Variants in LDB2 observed in about 807,000 individuals in gnomAD.
LDB2 encodes LIM domain binding 2, also known as LIM domain-binding protein 2.
In LDB2, 12 loss-of-function variants were observed where a neutral mutation model predicts 44.3. The ratio of observed to expected loss-of-function variants is 0.27; its 90% CI spans 0.17 to 0.44. LDB2 has a LOEUF of 0.44. Ranked by LOEUF, LDB2 falls within the 20% of genes least tolerant of loss-of-function variation. LDB2 has a pLI of 1.00. For missense variants in LDB2, 344 were observed against 473.5 expected (o/e 0.73, Z 2.54); for synonymous variants, 164 against 174.8 (o/e 0.94, Z 0.49).
At chr4:16,840,875 A>T (rs1344573594) in intron 1 of LDB2, among the ~76,000 whole-genome samples, 1 of 152,188 alleles carries the variant, frequency 6.6e-6, no homozygotes, top group African/African-American at 2.4e-5. Context: ...AACAGGGGTG[A>T]TGCCTCATTC....
intron 1 of LDB2, among the ~76,000 whole-genome samples, chr4:16,835,593 G>A (rs1784768595): frequency 6.6e-6 from 1 of 152,220 alleles, no homozygotes; most frequent in Admixed American, 6.5e-5. Context: ...GTAGATATAA[G>A]TTTTAATTTC....
At chr4:16,855,440 T>C (rs781183014) in intron 1 of LDB2, among the ~76,000 whole-genome samples, 33 of 152,228 alleles carry the variant, frequency 2.2e-4, no homozygotes, top group Non-Finnish European at 4.3e-4. Flanking sequence ...ATAAAGACCA[T>C]ACTAGGAAAA....
At chr4:16,769,561 G>A (rs1265989282) in intron 1 of LDB2, among the ~76,000 whole-genome samples, 4 of 151,116 alleles carry the variant, frequency 2.6e-5, no homozygotes, top group Non-Finnish European at 5.9e-5. Flanking sequence ...CTCCCAAAGT[G>A]CTGGGATTAC....
intron 1 of LDB2, among the ~76,000 whole-genome samples, chr4:16,837,186 T>C (rs1386026441): frequency 6.6e-6 from 1 of 152,236 alleles, no homozygotes; most frequent in East Asian, 1.9e-4. Context: ...TTTTCTGACA[T>C]GGACATATTC....
At chr4:16,715,166 A>G (rs1362293293) in intron 2 of LDB2, among the ~76,000 whole-genome samples, 1 of 152,136 alleles carries the variant, frequency 6.6e-6, no homozygotes, top group Non-Finnish European at 1.5e-5. Context: ...GAGGAAAGTG[A>G]GAGGTTGACT....
chr4:16,505,735 C>T, intron 7 of LDB2: 1 of 1,150,832 alleles, frequency 8.7e-7, no homozygotes, highest in Non-Finnish European at 1.2e-6. Flanking sequence ...ATGCCCTCAG[C>T]TCCCCACAAG....
chr4:16,734,703 C>CTTTT (rs539507998), intron 2 of LDB2, among the ~76,000 whole-genome samples: 1 of 129,382 alleles, frequency 7.7e-6, no homozygotes, highest in Non-Finnish European at 1.6e-5. Flanking sequence ...TTCTTGTTTT[C>CTTTT]TTTTTTTTTT....
At chr4:16,817,554 C>A (rs891664351) in intron 1 of LDB2, among the ~76,000 whole-genome samples, 1 of 152,250 alleles carries the variant, frequency 6.6e-6, no homozygotes, top group Admixed American at 6.5e-5. Flanking sequence ...CACAATCCAA[C>A]AGCAGTAAAA....
chr4:16,662,122 C>A (rs745416585), intron 2 of LDB2, among the ~76,000 whole-genome samples: 1 of 152,168 alleles, frequency 6.6e-6, no homozygotes, highest in East Asian at 1.9e-4. Flanking sequence ...TTTGTAAATA[C>A]CTTTCTGTTT....
intron 1 of LDB2, among the ~76,000 whole-genome samples, chr4:16,773,442 T>C (rs1053254437): frequency 2.0e-4 from 31 of 152,204 alleles, no homozygotes; most frequent in African/African-American, 7.2e-4. Context: ...CATTGGCATA[T>C]GATGGGAGAC....
At chr4:16,851,667 G>A (rs915196892) in intron 1 of LDB2, among the ~76,000 whole-genome samples, 2 of 152,110 alleles carry the variant, frequency 1.3e-5, no homozygotes, top group African/African-American at 2.4e-5. Flanking sequence ...GATGTCATTA[G>A]GATTTGCCAA....
At chr4:16,593,522 T>A (rs1344185324) in intron 3 of LDB2, among the ~76,000 whole-genome samples, 5 of 152,194 alleles carry the variant, frequency 3.3e-5, no homozygotes, top group East Asian at 3.9e-4. Flanking sequence ...AAATGGATCC[T>A]TTCAAATTTC....
At chr4:16,638,279 C>G (rs543150361) in intron 2 of LDB2, among the ~76,000 whole-genome samples, 1 of 152,312 alleles carries the variant, frequency 6.6e-6, no homozygotes, top group Admixed American at 6.5e-5. Flanking sequence ...GCTTCCTACT[C>G]TTTGTGGTGT....
chr4:16,716,158 C>A (rs1757030935), intron 2 of LDB2, among the ~76,000 whole-genome samples: 1 of 152,136 alleles, frequency 6.6e-6, no homozygotes. Context: ...AAAGAAGGAA[C>A]AAACCCTTCT....
At chr4:16,703,006 G>C (rs779657553) in intron 2 of LDB2, among the ~76,000 whole-genome samples, 4 of 152,152 alleles carry the variant, frequency 2.6e-5, no homozygotes, top group Non-Finnish European at 4.4e-5. Context: ...CACACAGACT[G>C]GGTTAATTGT....
chr4:16,667,485 T>A (rs2152550753), intron 2 of LDB2, among the ~76,000 whole-genome samples: 1 of 152,316 alleles, frequency 6.6e-6, no homozygotes, highest in Admixed American at 6.5e-5. Context: ...TGGGATCTCC[T>A]GATTCTCCAT....
At chr4:16,738,369 A>G (rs1239334710) in intron 2 of LDB2, among the ~76,000 whole-genome samples, 1 of 152,234 alleles carries the variant, frequency 6.6e-6, no homozygotes, top group African/African-American at 2.4e-5. Context: ...TAGGAAGAAG[A>G]AGGAAACAGA....
chr4:16,757,583 A>G (rs1021933856), intron 2 of LDB2, among the ~76,000 whole-genome samples: 9 of 152,222 alleles, frequency 5.9e-5, no homozygotes, highest in Non-Finnish European at 1.3e-4. Context: ...ACAAAGCACA[A>G]GAACATAAAA....
At chr4:16,511,750 C>G (rs542618477) in intron 6 of LDB2, among the ~76,000 whole-genome samples, 1 of 152,262 alleles carries the variant, frequency 6.6e-6, no homozygotes, top group Admixed American at 6.5e-5. Flanking sequence ...TATTTTACCT[C>G]TCTGAGTTGC....
Sources: allele counts gnomAD v4.1 joint callset (sites outside exome capture counted in the v4.1 genomes callset), GRCh38; gene constraint gnomAD v4.1.1; transcripts MANE v1.5; gene names NCBI Gene and HGNC (gene_info 2026-07-23, HGNC 2026-07-21).